BCKDHB: variants seen among roughly 807,000 people sequenced by gnomAD.
BCKDHB encodes the protein branched chain keto acid dehydrogenase E1 subunit beta, also known as 2-oxoisovalerate dehydrogenase subunit beta, mitochondrial.
Under a neutral mutation model 48.5 loss-of-function variants are expected in BCKDHB, and 41 were observed. That is an observed-to-expected ratio of 0.85 (90% CI 0.66 to 1.10). The LOEUF (loss-of-function observed/expected upper bound fraction) is 1.10. BCKDHB is among the 50% of genes least tolerant of loss of function. BCKDHB has a pLI of 0.00. For missense variants in BCKDHB, 496 were observed against 494.2 expected, an observed-to-expected ratio of 1.00 and a Z score of -0.03; for synonymous variants, 201 against 174.8, an observed-to-expected ratio of 1.15 and a Z score of -1.18.
chr6:80,140,944 T>G (rs1034726089), intron 3 of BCKDHB, among the ~76,000 whole-genome samples: 8 of 152,156 alleles, frequency 5.3e-5, no homozygotes, highest in Admixed American at 5.2e-4. Context: ...TGGACTCTTT[T>G]TGGTTGATAA....
chr6:80,318,575 C>G (rs1187741879), intron 9 of BCKDHB, among the ~76,000 whole-genome samples: 1 of 151,838 alleles, frequency 6.6e-6, no homozygotes, highest in East Asian at 1.9e-4. Flanking sequence ...GTCCCAGCTA[C>G]TCAGGAGGCT....
intron 9 of BCKDHB, among the ~76,000 whole-genome samples, chr6:80,310,348 T>C (rs1012269209): frequency 6.6e-6 from 1 of 152,042 alleles, no homozygotes; most frequent in Non-Finnish European, 1.5e-5. Flanking sequence ...TGAGAACATG[T>C]GGTATTTAGT....
chr6:80,432,936 G>C, the BCKDHB span, among the ~76,000 whole-genome samples: 1 of 152,138 alleles, frequency 6.6e-6, no homozygotes, highest in Non-Finnish European at 1.5e-5. Context: ...TAGGTCTGCT[G>C]GAGTTTGCTG....
At chr6:80,307,145 C>T (rs762416667) in intron 9 of BCKDHB, among the ~76,000 whole-genome samples, 2 of 152,134 alleles carry the variant, frequency 1.3e-5, no homozygotes, top group Non-Finnish European at 2.9e-5. Flanking sequence ...GCATAATGGC[C>T]TTGAAGAAAC....
intron 8 of BCKDHB, among the ~76,000 whole-genome samples, chr6:80,205,197 G>T (rs184015996): frequency 2.9e-4 from 44 of 152,030 alleles, no homozygotes; most frequent in Admixed American, 1.5e-3. Context: ...TTAAAGAAGA[G>T]GGCCCTATAA....
At chr6:80,175,580 G>A (rs192210049) in intron 6 of BCKDHB, among the ~76,000 whole-genome samples, 1 of 152,196 alleles carries the variant, frequency 6.6e-6, no homozygotes, top group South Asian at 2.1e-4. Flanking sequence ...TGAAGAAAAT[G>A]TTACTGGTCA....
intron 8 of BCKDHB, among the ~76,000 whole-genome samples, chr6:80,211,830 G>C (rs1294080861): frequency 1.3e-5 from 2 of 152,138 alleles, no homozygotes; most frequent in African/African-American, 4.8e-5. Context: ...GCCACCGGGG[G>C]TGACATCACA....
intron 9 of BCKDHB, among the ~76,000 whole-genome samples, chr6:80,338,039 T>A (rs1769686129): frequency 6.6e-6 from 1 of 152,160 alleles, no homozygotes; most frequent in Non-Finnish European, 1.5e-5. Context: ...CACTTTGAAC[T>A]TTTCTTCACA....
At chr6:80,180,922 T>C (rs1773382135) in intron 6 of BCKDHB, among the ~76,000 whole-genome samples, 1 of 152,226 alleles carries the variant, frequency 6.6e-6, no homozygotes, top group African/African-American at 2.4e-5. Flanking sequence ...TGTTAGATTT[T>C]TAAATTAGTT....
chr6:80,354,001 A>T, the BCKDHB span, among the ~76,000 whole-genome samples: 1 of 152,140 alleles, frequency 6.6e-6, no homozygotes, highest in African/African-American at 2.4e-5. Context: ...TGAGAAATGT[A>T]TATTCATATT....
intron 1 of BCKDHB, among the ~76,000 whole-genome samples, chr6:80,112,368 C>T (rs1224451183): frequency 6.6e-6 from 1 of 152,112 alleles, no homozygotes; most frequent in Admixed American, 6.5e-5. Context: ...ACTCCAAACA[C>T]TGGGGCCAAA....
chr6:80,109,499 C>T (rs1017790840), intron 1 of BCKDHB, among the ~76,000 whole-genome samples: 2 of 151,970 alleles, frequency 1.3e-5, no homozygotes, highest in African/African-American at 4.8e-5. Context: ...CAAATTTATA[C>T]CCATTTATAC....
intron 3 of BCKDHB, among the ~76,000 whole-genome samples, chr6:80,132,563 C>T (rs1382419530): frequency 1.3e-5 from 2 of 152,160 alleles, no homozygotes; most frequent in African/African-American, 4.8e-5. Flanking sequence ...TAACTCTTAA[C>T]TTGAAAAAGT....
At chr6:80,107,940 T>G (rs1284475535) in intron 1 of BCKDHB, among the ~76,000 whole-genome samples, 11 of 152,170 alleles carry the variant, frequency 7.2e-5, no homozygotes, top group Admixed American at 7.2e-4. Context: ...TAACTTCTCA[T>G]GTGCATGCTA....
chr6:80,314,220 G>A (rs899123806), intron 9 of BCKDHB, among the ~76,000 whole-genome samples: 4 of 152,208 alleles, frequency 2.6e-5, no homozygotes, highest in African/African-American at 4.8e-5. Flanking sequence ...TGAGAAGAAT[G>A]TATATGCTCT....
the BCKDHB span, among the ~76,000 whole-genome samples, chr6:80,418,112 T>G: frequency 6.6e-6 from 1 of 152,210 alleles, no homozygotes; most frequent in African/African-American, 2.4e-5. Flanking sequence ...TTTCTCCACT[T>G]GATGTATTCT....
rs73479982 is a variant in BCKDHB at position 80,200,401 on chromosome 6, G to A, written c.743-533G>A. 5.3e-3 allele frequency among the ~76,000 whole-genome samples: 799 copies of A among 152,110 alleles called. 9 individuals are homozygous for A. The highest frequency in any genetic ancestry group is 0.018 in the African/African-American group (767 of 41,518). ...AATACAATCTACTTTAAAATTTTTG[G>A]CCCTACTATTTTTTCCAAACCCCCA... is the stretch of plus-strand genomic sequence containing the variant. On this transcript the variant is annotated intron_variant, in intron 6 of 9. Transcript: ENST00000320393.
At chr6:80,310,540 G>A (rs1375409920) in intron 9 of BCKDHB, among the ~76,000 whole-genome samples, 1 of 152,144 alleles carries the variant, frequency 6.6e-6, no homozygotes, top group Non-Finnish European at 1.5e-5. Context: ...GTTTGCTATT[G>A]TGAATAGTAC....
the BCKDHB span, among the ~76,000 whole-genome samples, chr6:80,399,221 A>G: frequency 1.3e-5 from 2 of 152,058 alleles, no homozygotes; most frequent in African/African-American, 4.8e-5. Flanking sequence ...TTTCACTACT[A>G]TTATTAACAT....
Sources: gnomAD v4.1 joint callset for allele counts (sites outside exome capture counted in the v4.1 genomes callset) on GRCh38, gnomAD v4.1.1 for gene constraint, MANE v1.5 for transcripts, NCBI Gene and HGNC (gene_info 2026-07-23, HGNC 2026-07-21) for gene names.